CCDC171: variants seen among roughly 807,000 people sequenced by gnomAD.
CCDC171 encodes the protein coiled-coil domain containing 171.
In CCDC171, 177 loss-of-function variants were observed where a neutral mutation model predicts 168.2. The observed-to-expected ratio is 1.05, with a 90% CI of 0.93 to 1.19. The LOEUF (loss-of-function observed/expected upper bound fraction) is 1.19, where lower values mean the gene tolerates loss of function less well. Among genes scored for constraint, CCDC171 ranks in the 50% most tolerant of loss-of-function variants. The pLI is 0.00. For missense variants in CCDC171, 1,991 were observed against 1,539.0 expected (o/e 1.29, Z -4.91); for synonymous variants, 687 against 540.8 (o/e 1.27, Z -3.75).
intron 7 of CCDC171, among the ~76,000 whole-genome samples, chr9:15,650,971 G>A (rs1258385424): frequency 6.6e-6 from 1 of 151,954 alleles, no homozygotes; most frequent in Non-Finnish European, 1.5e-5. Context: ...CTAACTGTAT[G>A]TTTGTACCCA....
intron 6 of CCDC171, among the ~76,000 whole-genome samples, chr9:15,618,154 C>A (rs957591751): frequency 5.3e-5 from 8 of 152,188 alleles, no homozygotes; most frequent in Non-Finnish European, 8.8e-5. Context: ...CTCTGTCCTA[C>A]CAGGATGAGA....
At chr9:15,711,550 G>C (rs1374922411) in intron 11 of CCDC171, among the ~76,000 whole-genome samples, 1 of 152,116 alleles carries the variant, frequency 6.6e-6, no homozygotes, top group Non-Finnish European at 1.5e-5. Context: ...AATATAAGAA[G>C]TAACTGTGAA....
chr9:15,736,769 G>T (rs2054525843), intron 16 of CCDC171, among the ~76,000 whole-genome samples: 1 of 151,912 alleles, frequency 6.6e-6, no homozygotes, highest in South Asian at 2.1e-4. Flanking sequence ...TTGACCTCCT[G>T]GGCTCAGGTA....
At chr9:15,991,748 T>C (rs1189274591) in intron 3 of CCDC171, among the ~76,000 whole-genome samples, 2 of 152,026 alleles carry the variant, frequency 1.3e-5, no homozygotes, top group Non-Finnish European at 2.9e-5. Context: ...AAAGGGGATA[T>C]CACCACCAAC....
intron 20 of CCDC171, among the ~76,000 whole-genome samples, chr9:15,782,985 C>T (rs76164287): frequency 0.024 from 3,714 of 152,244 alleles, 164 homozygotes; most frequent in African/African-American, 0.085. Context: ...TTAGGTAAAT[C>T]ATTAGACATC....
intron 16 of CCDC171, among the ~76,000 whole-genome samples, chr9:15,740,273 TTA>T (rs1378832276): frequency 6.6e-6 from 1 of 152,200 alleles, no homozygotes; most frequent in Non-Finnish European, 1.5e-5. Context: ...GGCCATCCAG[TTA>T]TTTCACCACC....
At chr9:15,676,439 T>C (rs2049568403) in intron 9 of CCDC171, among the ~76,000 whole-genome samples, 1 of 151,980 alleles carries the variant, frequency 6.6e-6, no homozygotes, top group African/African-American at 2.4e-5. Context: ...CTGTGATCCT[T>C]AGTTGCAAAT....
intron 25 of CCDC171, among the ~76,000 whole-genome samples, chr9:15,958,271 C>G (rs1358014448): frequency 6.6e-6 from 1 of 152,024 alleles, no homozygotes; most frequent in Non-Finnish European, 1.5e-5. Flanking sequence ...TCTAAGCCAG[C>G]ACTATTCATT....
intron 23 of CCDC171, among the ~76,000 whole-genome samples, chr9:15,863,600 A>G (rs1015725910): frequency 1.3e-5 from 2 of 151,190 alleles, no homozygotes; most frequent in African/African-American, 2.4e-5. Flanking sequence ...TACATTTTCT[A>G]TTTTGGAAGA....
At chr9:15,626,857 T>C (rs1466624049) in intron 7 of CCDC171, among the ~76,000 whole-genome samples, 1 of 152,234 alleles carries the variant, frequency 6.6e-6, no homozygotes, top group African/African-American at 2.4e-5. Flanking sequence ...AGTTCCCTCT[T>C]TTTCTAATGA....
At chr9:16,091,773 C>G in the CCDC171 span, among the ~76,000 whole-genome samples, 1 of 152,294 alleles carries the variant, frequency 6.6e-6, no homozygotes, top group East Asian at 1.9e-4. Context: ...GCATATGTCT[C>G]TTTTAGGTGT....
chr9:15,727,773 G>C (rs1326290376), intron 14 of CCDC171, 96 bp from the exon 15 acceptor site: 9 of 898,952 alleles, frequency 1.0e-5, no homozygotes, highest in Non-Finnish European at 1.3e-5. Context: ...TTCCTTTTCA[G>C]GTTTTTTAAA....
chr9:15,872,753 G>A (rs79150759), intron 23 of CCDC171, among the ~76,000 whole-genome samples: 35 of 152,022 alleles, frequency 2.3e-4, no homozygotes, highest in Non-Finnish European at 3.5e-4. Context: ...GTTCAGAAGG[G>A]TAGAAGGCAA....
chr9:15,704,691 C>G (rs2052067842), intron 11 of CCDC171, among the ~76,000 whole-genome samples: 1 of 152,130 alleles, frequency 6.6e-6, no homozygotes, highest in Non-Finnish European at 1.5e-5. Context: ...TTGTAGTTTT[C>G]TACATTAAGA....
intron 6 of CCDC171, among the ~76,000 whole-genome samples, chr9:15,622,362 G>A (rs2044576239): frequency 6.6e-6 from 1 of 152,152 alleles, no homozygotes; most frequent in South Asian, 2.1e-4. Context: ...CTTCACTGTG[G>A]ACTTAGGATG....
chr9:16,024,533 A>G (rs1158888257), intron 6 of CCDC171, among the ~76,000 whole-genome samples: 5 of 152,190 alleles, frequency 3.3e-5, no homozygotes, highest in African/African-American at 1.2e-4. Flanking sequence ...GCATGCTCAG[A>G]CCACCAGAAG....
At chr9:15,956,041 A>C (rs1829766076) in intron 25 of CCDC171, among the ~76,000 whole-genome samples, 1 of 152,202 alleles carries the variant, frequency 6.6e-6, no homozygotes, top group African/African-American at 2.4e-5. Context: ...CAATTTCCTA[A>C]TTACTTAGTA....
At chr9:16,084,695 C>G in the CCDC171 span, among the ~76,000 whole-genome samples, 1 of 152,168 alleles carries the variant, frequency 6.6e-6, no homozygotes, top group Non-Finnish European at 1.5e-5. Context: ...CCCCAGGAAG[C>G]AGGCCTGAGA....
At chr9:15,899,298 AT>A (rs1821325796) in intron 24 of CCDC171, among the ~76,000 whole-genome samples, 1 of 152,258 alleles carries the variant, frequency 6.6e-6, no homozygotes, top group African/African-American at 2.4e-5. Context: ...TGCATTGAAC[AT>A]TTTTATGCAA....
Sources: allele counts gnomAD v4.1 joint callset (sites outside exome capture counted in the v4.1 genomes callset), GRCh38; gene constraint gnomAD v4.1.1; transcripts MANE v1.5; gene names NCBI Gene and HGNC (gene_info 2026-07-23, HGNC 2026-07-21).